The following KCNJ6 variants were observed in gnomAD, a reference collection of about 807,000 sequenced individuals.
The protein encoded by KCNJ6 is potassium inwardly rectifying channel subfamily J member 6, also known as G protein-activated inward rectifier potassium channel 2.
Under a neutral mutation model 34.2 loss-of-function variants are expected in KCNJ6, and 9 were observed. That is an observed-to-expected ratio of 0.26 (90% CI 0.16 to 0.46). The LOEUF is 0.46. Ranked by LOEUF, KCNJ6 falls within the 20% of genes least tolerant of loss-of-function variation. The pLI is 1.00. For missense variants in KCNJ6, 236 were observed against 531.3 expected, an observed-to-expected ratio of 0.44 and a Z score of 5.46; for synonymous variants, 196 against 207.1, an observed-to-expected ratio of 0.95 and a Z score of 0.46.
chr21:37,621,509 G>A lies in KCNJ6; in HGVS notation c.*3650C>T, dbSNP rs1208407512. 6.6e-6 allele frequency: 1 copy of A among 152,216 alleles called. No homozygotes were observed. Among genetic ancestry groups the A allele is most frequent in the Non-Finnish European group, 1.5e-5 (1 of 68,028 alleles). The allele number at this position is 152,216 out of a possible 1,614,324, so 9.4% of individuals were successfully genotyped here. ...TAGGGATGGAAAGCATAAGAATGTTGCTCTGGAGAATTCAAAATTTAGACT... is the reference window on the plus strand; with the variant it reads ...TAGGGATGGAAAGCATAAGAATGTTACTCTGGAGAATTCAAAATTTAGACT... On this transcript the variant is annotated 3_prime_UTR_variant, in exon 4 of 4. Transcript: ENST00000609713.
intron 2 of KCNJ6, among the ~76,000 whole-genome samples, chr21:37,810,631 C>A (rs140282203): frequency 2.0e-5 from 3 of 152,312 alleles, no homozygotes; most frequent in Non-Finnish European, 4.4e-5. Context: ...TCTTCTTTGG[C>A]TTTTGATATT....
chr21:37,792,858 C>T (rs999421147), intron 2 of KCNJ6, among the ~76,000 whole-genome samples: 2 of 152,144 alleles, frequency 1.3e-5, no homozygotes, highest in African/African-American at 2.4e-5. Flanking sequence ...CTGTTGCTTG[C>T]TACGTGTACA....
intron 2 of KCNJ6, among the ~76,000 whole-genome samples, chr21:37,778,689 C>CTGTGTGCGTGTGTGTG (rs2055154288): frequency 7.6e-6 from 1 of 130,738 alleles, no homozygotes; most frequent in Non-Finnish European, 1.6e-5. Flanking sequence ...TATCCGTGTG[C>CTGTGTGCGTGTGTGTG]TGTGTGCGTG....
intron 2 of KCNJ6, among the ~76,000 whole-genome samples, chr21:37,784,778 A>G (rs2055185388): frequency 6.6e-6 from 1 of 152,120 alleles, no homozygotes; most frequent in South Asian, 2.1e-4. Context: ...CAACGTTAGA[A>G]TTCCTAACAA....
intron 1 of KCNJ6, among the ~76,000 whole-genome samples, chr21:37,880,100 C>CAA (rs10627837): frequency 0.62 from 89,627 of 145,366 alleles, 27,553 homozygotes; most frequent in East Asian, 0.72. Flanking sequence ...TCTAAAAATA[C>CAA]AAAAAAAAAA....
chr21:37,662,738 A>T (rs546741680), intron 3 of KCNJ6, among the ~76,000 whole-genome samples: 1 of 152,282 alleles, frequency 6.6e-6, no homozygotes, highest in East Asian at 1.9e-4. Context: ...GTGTAAAAAC[A>T]TTCCTATTTC....
intron 3 of KCNJ6, among the ~76,000 whole-genome samples, chr21:37,629,442 T>C (rs986223027): frequency 6.6e-6 from 1 of 152,148 alleles, no homozygotes; most frequent in African/African-American, 2.4e-5. Context: ...ATCTCCGGTA[T>C]TTCAGAATGT....
chr21:37,915,599 T>C (rs1260525176), intron 1 of KCNJ6, among the ~76,000 whole-genome samples: 1 of 152,254 alleles, frequency 6.6e-6, no homozygotes, highest in Non-Finnish European at 1.5e-5. Flanking sequence ...CTGCAATAAC[T>C]GACTGGGTTT....
intron 2 of KCNJ6, among the ~76,000 whole-genome samples, chr21:37,724,174 G>A (rs1243402311): frequency 6.6e-6 from 1 of 152,130 alleles, no homozygotes; most frequent in East Asian, 1.9e-4. Context: ...AGTATTTTGA[G>A]TGTTTTAGAA....
intron 3 of KCNJ6, among the ~76,000 whole-genome samples, chr21:37,706,971 G>A (rs1475509835): frequency 2.0e-5 from 3 of 152,232 alleles, no homozygotes; most frequent in African/African-American, 7.2e-5. Flanking sequence ...GAAGACCTGG[G>A]AGTAATCTAC....
At chr21:37,865,237 G>A (rs1028312851) in intron 1 of KCNJ6, among the ~76,000 whole-genome samples, 3 of 152,186 alleles carry the variant, frequency 2.0e-5, no homozygotes, top group Admixed American at 6.5e-5. Flanking sequence ...GGAAAGAGCT[G>A]TATTTTTAAC....
At chr21:37,793,480 G>A (rs115677041) in intron 2 of KCNJ6, among the ~76,000 whole-genome samples, 9 of 143,472 alleles carry the variant, frequency 6.3e-5, no homozygotes, top group African/African-American at 2.3e-4. Context: ...TAAAGAGTGA[G>A]AGCTATTGTG....
Position 37,796,212 on chromosome 21 carries a change from T to C in KCNJ6, c.25+44446A>G, listed in dbSNP as rs80087309. Among the ~76,000 whole-genome samples the C allele has an allele frequency of 8.1e-4, 124 of 152,290 alleles. No homozygotes were observed. The East Asian group carries it at 0.021, about 26-fold the overall frequency. ...TGAAAAGGCGAGGACGATGCCAAGA[T>C]GAATGAGCAAGCCTGAAGTCACTGT... is the stretch of plus-strand genomic sequence containing the variant. On this transcript the variant is annotated intron_variant, in intron 2 of 3. Transcript: ENST00000609713.
chr21:37,684,735 G>A (rs1329569236), intron 3 of KCNJ6, among the ~76,000 whole-genome samples: 2 of 152,190 alleles, frequency 1.3e-5, no homozygotes, highest in African/African-American at 2.4e-5. Context: ...TTAGGACATC[G>A]GCTGGTCTTC....
intron 3 of KCNJ6, among the ~76,000 whole-genome samples, chr21:37,682,871 G>C (rs1284753172): frequency 6.6e-6 from 1 of 152,132 alleles, no homozygotes; most frequent in Non-Finnish European, 1.5e-5. Flanking sequence ...GCAGCCTATT[G>C]GGAAGTTCTG....
chr21:37,632,459 G>T (rs1280157972), intron 3 of KCNJ6, among the ~76,000 whole-genome samples: 1 of 151,994 alleles, frequency 6.6e-6, no homozygotes, highest in Non-Finnish European at 1.5e-5. Flanking sequence ...TTCAACTGAA[G>T]ACATTAGGAA....
At chr21:37,862,796 CCAGGGGAGAGA>C (rs1187024843) in intron 1 of KCNJ6, among the ~76,000 whole-genome samples, 1 of 152,170 alleles carries the variant, frequency 6.6e-6, no homozygotes, top group Non-Finnish European at 1.5e-5. Flanking sequence ...CCCTCAACAG[CCAGGGGAGAGA>C]CAGGGCAGAC....
intron 1 of KCNJ6, among the ~76,000 whole-genome samples, chr21:37,914,008 G>GGCGTGT (rs760597650): frequency 0.019 from 2,513 of 135,574 alleles, 36 homozygotes; most frequent in Non-Finnish European, 0.027. Flanking sequence ...GGCGGATCGG[G>GGCGTGT]GTGTGTGTGT....
At chr21:37,776,399 G>T (rs970489299) in intron 2 of KCNJ6, among the ~76,000 whole-genome samples, 1 of 152,106 alleles carries the variant, frequency 6.6e-6, no homozygotes, top group East Asian at 1.9e-4. Context: ...ATAGGAGTGG[G>T]GAAAGAGGGC....
Sources: allele counts gnomAD v4.1 joint callset (sites outside exome capture counted in the v4.1 genomes callset), GRCh38; gene constraint gnomAD v4.1.1; transcripts MANE v1.5; gene names NCBI Gene and HGNC (gene_info 2026-07-23, HGNC 2026-07-21).